Variants in SH3BP2 observed in about 807,000 individuals in gnomAD.
SH3BP2 encodes the protein SH3 domain binding protein 2.
In SH3BP2, 38 loss-of-function variants were observed where a neutral mutation model predicts 56.2. The observed-to-expected ratio is 0.68, with a 90% confidence interval of 0.52 to 0.89. The LOEUF is 0.89. Ranked by LOEUF, SH3BP2 falls within the 40% of genes least tolerant of loss-of-function variation. SH3BP2 has a pLI of 0.00. For missense variants in SH3BP2, 748 were observed against 762.6 expected (o/e 0.98, Z 0.23); for synonymous variants, 346 against 316.7 (o/e 1.09, Z -0.98).
chr4:2,815,118 A>G lies in SH3BP2; in HGVS notation c.-4-5496A>G, dbSNP rs557307759. Among the ~76,000 whole-genome samples, 6 of 152,302 alleles carry G rather than the reference A, an allele frequency of 3.9e-5. No individual in the cohort carries two copies. The East Asian group carries it at 1.2e-3, about 29-fold the overall frequency. Reference sequence around the variant, plus strand: ...TGGGCTGAACTTCCCCAAGAGCAGCATGGTCACCACGGCCTCCATGGCCCA... The same window carrying G: ...TGGGCTGAACTTCCCCAAGAGCAGCGTGGTCACCACGGCCTCCATGGCCCA... On this transcript the variant is annotated intron_variant, in intron 1 of 12. Transcript: ENST00000503393.
intron 1 of SH3BP2, chr4:2,799,391 G>C: frequency 1.3e-6 from 1 of 770,688 alleles, no homozygotes; most frequent in African/African-American, 1.9e-5. Flanking sequence ...CCTGGGTGCT[G>C]GCTTCAGGAA....
intron 1 of SH3BP2, chr4:2,799,281 C>A (rs1723163826): frequency 3.0e-6 from 3 of 985,290 alleles, no homozygotes; most frequent in Non-Finnish European, 3.6e-6. Flanking sequence ...CAGCTTCAGA[C>A]CCTGGGCTGC....
At chr4:2,818,101 T>C in intron 1 of SH3BP2, 6 of 565,304 alleles carry the variant, frequency 1.1e-5, no homozygotes, top group Non-Finnish European at 1.3e-5. Context: ...CTCACGTGCC[T>C]CCCGCGCACG....
intron 2 of SH3BP2, among the ~76,000 whole-genome samples, 159 bp from the exon 3 acceptor site, chr4:2,822,776 G>A (rs1372734665): frequency 6.6e-6 from 1 of 152,190 alleles, no homozygotes; most frequent in Non-Finnish European, 1.5e-5. Flanking sequence ...GTGGGCTCCT[G>A]GGGAGGGGGC....
chr4:2,799,887 A>T (rs1723190967), intron 1 of SH3BP2, among the ~76,000 whole-genome samples: 1 of 151,968 alleles, frequency 6.6e-6, no homozygotes, highest in Non-Finnish European at 1.5e-5. Flanking sequence ...GAAAAGGGAG[A>T]GGGGCTAGAG....
At position 2,839,124 on chromosome 4, in the gene SH3BP2, C is replaced by T. The variant is rs1198938282; in HGVS notation, c.*5290C>T. Reference sequence around the variant, plus strand: ...TTTGATTTTGTCTCCTGTGAAGTGTCTATCATCTTTTGCCCATTTTTTAAC... The same window carrying T: ...TTTGATTTTGTCTCCTGTGAAGTGTTTATCATCTTTTGCCCATTTTTTAAC... On this transcript the variant is annotated 3_prime_UTR_variant, in exon 13 of 13. Transcript: ENST00000503393. The T allele has an allele frequency of 1.3e-5, 2 of 150,824 alleles. No homozygotes were observed. The highest frequency in any genetic ancestry group is 4.9e-5 in the African/African-American group (2 of 41,080). The allele number at this position is 150,824 out of a possible 1,614,324, so 9.3% of individuals were successfully genotyped here.
In SH3BP2 at chr4:2,833,862, G is replaced by T. The variant is rs1392357732; in HGVS notation, c.*28G>T. ...GCAGTCCATGTGGCTGCCAGGCCAA[G>T]GCAGTCACAGGGGCCCTGACCCCAG... On this transcript the variant is annotated 3_prime_UTR_variant, in exon 13 of 13. Coordinates refer to ENST00000503393, the MANE Select transcript of SH3BP2 (RefSeq NM_001122681.2). 3 of 1,541,466 alleles carry T rather than the reference G, an allele frequency of 1.9e-6. No homozygotes were observed. The highest frequency in any genetic ancestry group is 1.7e-6 in the Non-Finnish European group (2 of 1,144,874).
chr4:2,794,993 T>C (rs1257580702), intron 1 of SH3BP2, among the ~76,000 whole-genome samples: 6 of 152,000 alleles, frequency 3.9e-5, no homozygotes, highest in African/African-American at 7.3e-5. Context: ...TTTCCAGCTG[T>C]GTGATCATGG....
rs1725319279 is a variant in SH3BP2, at chr4:2,838,775, C to G, written c.*4941C>G. 1 of 152,080 alleles carries G rather than the reference C, an allele frequency of 6.6e-6. No individual in the cohort carries two copies. Among genetic ancestry groups the G allele is most frequent in the Non-Finnish European group, 1.5e-5 (1 of 68,034 alleles). The allele number at this position is 152,080 out of a possible 1,614,324, so 9.4% of individuals were successfully genotyped here. A position where few individuals can be genotyped will look rare whatever the true frequency, so the allele number is the denominator to read the frequency against. On this transcript the variant is annotated 3_prime_UTR_variant, in exon 13 of 13. Coordinates refer to ENST00000503393, the MANE Select transcript of SH3BP2 (RefSeq NM_001122681.2). The stretch of plus-strand genomic sequence containing the variant: ...CTGTAGATGGACAGTTGGTTTGTTT[C>G]TAGTTTGGGGTAACTACACACAATG...
chr4:2,833,550 C>T, intron 12 of SH3BP2, 147 bp from the exon 13 acceptor site: 1 of 1,000,938 alleles, frequency 1.0e-6, no homozygotes, highest in Middle Eastern at 2.6e-4. Flanking sequence ...ATGCGGAGGC[C>T]ACCTTGGGGG....
In SH3BP2 at chr4:2,828,958, G is replaced by T. The variant is rs183113925; in HGVS notation, c.587-535G>T. 3.6e-3 allele frequency among the ~76,000 whole-genome samples: 545 copies of T among 152,278 alleles called. 3 individuals carry two copies. Among genetic ancestry groups the T allele is most frequent in the African/African-American group, 0.012 (514 of 41,546 alleles). ...ACCTCACTCCTCTCCCGAATTCCCT[G>T]GGTGACAGCCTGGGTCATCTGCAGG... is the stretch of plus-strand genomic sequence containing the variant. On this transcript the variant is annotated intron_variant, in intron 7 of 12. Transcript: ENST00000503393.
At chr4:2,818,510 C>T (rs1724118629) in intron 1 of SH3BP2, 4 of 572,530 alleles carry the variant, frequency 7.0e-6, no homozygotes, top group Non-Finnish European at 9.2e-6. Flanking sequence ...TGGTCGCCCA[C>T]GCGCTTCTTG....
Position 2,829,798 on chromosome 4 carries a change from C to T in SH3BP2, c.892C>T (p.Arg298Trp), listed in dbSNP as rs776406405. 2.4e-5 allele frequency: 38 copies of T among 1,613,130 alleles called. 2 individuals carry two copies. Among genetic ancestry groups the T allele is most frequent in the South Asian group, 1.6e-4 (15 of 91,076 alleles). ...APGLRKPPCFRESASPSPEPW... is the reference protein window; with the variant it reads ...APGLRKPPCFWESASPSPEPW... The stretch of plus-strand genomic sequence containing the variant: ...CGGCCTCCGGAAACCCCCTTGCTTC[C>T]GGGAGAGTGCCAGCCCCAGCCCGGA... Residue 298 changes from arginine to tryptophan, a missense_variant, in exon 8 of 13, where the codon CGG (arginine) becomes TGG (tryptophan). Transcript: ENST00000503393. The surrounding 1 kb of genome is among the most constrained non-coding windows in gnomAD (Gnocchi z 4.9).
At chr4:2,818,481 C>T (rs1724114856) in intron 1 of SH3BP2, 1 of 709,120 alleles carries the variant, frequency 1.4e-6, no homozygotes. Context: ...GGACCAGGGC[C>T]GCGAGCCCCG....
chr4:2,812,219 A>C, intron 1 of SH3BP2: 1 of 1,491,320 alleles, frequency 6.7e-7, no homozygotes, highest in Non-Finnish European at 8.9e-7. Context: ...AGTGCCGGCT[A>C]CTTGGTGCTG....
Position 2,831,839 on chromosome 4 carries a change from C to T in SH3BP2, c.1351-84C>T, listed in dbSNP as rs915145693. On this transcript the variant is annotated intron_variant, in intron 9 of 12. Transcript: ENST00000503393. This position sits in a 1 kb window ranked among gnomAD's most constrained non-coding sequence, Gnocchi z 4.1. ...CAGCACCATGTAAAGCCCCGGATCC[C>T]GGCACCGGGTGGCCACCGTCCGGGG... The T allele has an allele frequency of 7.3e-5, 109 of 1,499,100 alleles. No individual in the cohort carries two copies. Among genetic ancestry groups the T allele is most frequent in the Non-Finnish European group, 8.6e-5 (93 of 1,086,488 alleles). 92.9% of individuals were successfully genotyped at this position (1,499,100 alleles called of 1,614,324 possible).
intron 1 of SH3BP2, among the ~76,000 whole-genome samples, chr4:2,807,096 A>G (rs545847226): frequency 6.6e-6 from 1 of 152,348 alleles, no homozygotes; most frequent in East Asian, 1.9e-4. Context: ...TCTTCTGGGA[A>G]CACTGCTGTC....
intron 1 of SH3BP2, chr4:2,812,553 C>G: frequency 2.0e-6 from 3 of 1,494,272 alleles, no homozygotes; most frequent in South Asian, 1.3e-5. Flanking sequence ...TAAGGGGGCC[C>G]CACGTGGGAG....
At chr4:2,821,322 TG>T (rs1371510245) in intron 2 of SH3BP2, among the ~76,000 whole-genome samples, 1 of 152,266 alleles carries the variant, frequency 6.6e-6, no homozygotes, top group African/African-American at 2.4e-5. Flanking sequence ...TCCCTGGTCC[TG>T]GGCCGCCTGG....
Sources: allele counts gnomAD v4.1 joint callset (sites outside exome capture counted in the v4.1 genomes callset), GRCh38; gene constraint gnomAD v4.1.1; non-coding constraint Gnocchi (gnomAD v3.1); transcripts MANE v1.5; gene names NCBI Gene and HGNC (gene_info 2026-07-23, HGNC 2026-07-21).